Variants in THSD7B observed in about 807,000 individuals in gnomAD.
THSD7B encodes the protein thrombospondin type-1 domain-containing protein 7B.
THSD7B carries 138 observed loss-of-function variants against 213.6 expected under a neutral mutation model. The ratio of observed to expected loss-of-function variants is 0.65; its 90% CI spans 0.56 to 0.74. The LOEUF is 0.74. Among genes scored for constraint, THSD7B ranks in the 30% least tolerant of loss-of-function variants. THSD7B has a pLI of 0.00. For synonymous variants in THSD7B, 742 were observed against 687.0 expected (o/e 1.08, Z -1.25); for missense variants, 1,931 against 1,991.5 (o/e 0.97, Z 0.58).
At chr2:137,493,833 G>A (rs763216536) in intron 15 of THSD7B, among the ~76,000 whole-genome samples, 9 of 152,094 alleles carry the variant, frequency 5.9e-5, no homozygotes, top group Non-Finnish European at 8.8e-5. Context: ...GCCAATCCAA[G>A]GGGAAACGTA....
intron 4 of THSD7B, among the ~76,000 whole-genome samples, chr2:137,113,290 T>C (rs1688384486): frequency 6.6e-6 from 1 of 152,046 alleles, no homozygotes; most frequent in Admixed American, 6.6e-5. Context: ...AAGAATAGGG[T>C]AAGGACTGAC....
intron 4 of THSD7B, among the ~76,000 whole-genome samples, chr2:137,104,002 G>A (rs991096842): frequency 6.6e-6 from 1 of 152,084 alleles, no homozygotes; most frequent in Admixed American, 6.5e-5. Flanking sequence ...GGATATTTAG[G>A]ACTTGAACTC....
At chr2:137,648,942 C>T (rs1020091536) in intron 21 of THSD7B, among the ~76,000 whole-genome samples, 11 of 152,252 alleles carry the variant, frequency 7.2e-5, no homozygotes, top group African/African-American at 2.6e-4. Flanking sequence ...TATTACCTGT[C>T]TTTTTTATAA....
intron 1 of THSD7B, among the ~76,000 whole-genome samples, chr2:136,792,354 C>T (rs1352626428): frequency 6.6e-6 from 1 of 151,900 alleles, no homozygotes; most frequent in African/African-American, 2.4e-5. Context: ...GCCAGGAGTT[C>T]TGGGGGAGGG....
chr2:137,272,734 AT>A, intron 11 of THSD7B, 72 bp downstream of exon 11: 1 of 1,513,056 alleles, frequency 6.6e-7, no homozygotes, highest in Non-Finnish European at 8.9e-7. Context: ...CACATAACAT[AT>A]GGTCGTTTGG....
At chr2:137,330,511 G>A (rs1220052163) in intron 12 of THSD7B, among the ~76,000 whole-genome samples, 2 of 152,104 alleles carry the variant, frequency 1.3e-5, no homozygotes, top group Non-Finnish European at 2.9e-5. Context: ...TCTGATGTTC[G>A]GATATGCTAG....
chr2:137,450,509 C>T (rs899682817), intron 14 of THSD7B, among the ~76,000 whole-genome samples: 8 of 152,080 alleles, frequency 5.3e-5, no homozygotes, highest in East Asian at 1.9e-4. Flanking sequence ...GACAGTGAAT[C>T]GTAGGAGGGA....
At chr2:137,673,043 G>A (rs1014080333) in intron 27 of THSD7B, among the ~76,000 whole-genome samples, 2 of 152,194 alleles carry the variant, frequency 1.3e-5, no homozygotes, top group African/African-American at 4.8e-5. Context: ...CCAAGTTTGA[G>A]AGTGGTACTT....
At chr2:137,536,428 G>A (rs1680508652) in intron 15 of THSD7B, among the ~76,000 whole-genome samples, 1 of 151,520 alleles carries the variant, frequency 6.6e-6, no homozygotes, top group Non-Finnish European at 1.5e-5. Context: ...TGAAAATGGT[G>A]TTGGCCCAGG....
chr2:137,365,931 C>G (rs919983034), intron 12 of THSD7B, among the ~76,000 whole-genome samples: 1 of 152,160 alleles, frequency 6.6e-6, no homozygotes, highest in African/African-American at 2.4e-5. Flanking sequence ...ACTATAAAGA[C>G]ACATGGACAT....
chr2:137,098,765 C>T (rs1020080122), intron 4 of THSD7B, among the ~76,000 whole-genome samples: 1 of 152,080 alleles, frequency 6.6e-6, no homozygotes, highest in African/African-American at 2.4e-5. Context: ...CATTTTCACA[C>T]TAAACACTAT....
chr2:137,329,372 T>C (rs1347545600), intron 12 of THSD7B, among the ~76,000 whole-genome samples: 1 of 152,134 alleles, frequency 6.6e-6, no homozygotes, highest in Admixed American at 6.5e-5. Flanking sequence ...GAAATTTCTT[T>C]GTTTGTTTGT....
intron 3 of THSD7B, among the ~76,000 whole-genome samples, chr2:137,074,016 A>G (rs568006737): frequency 2.0e-3 from 299 of 152,142 alleles, no homozygotes; most frequent in African/African-American, 6.6e-3. Context: ...TATGTGGTCA[A>G]TTTTGGAGTA....
intron 2 of THSD7B, among the ~76,000 whole-genome samples, chr2:136,895,737 C>T (rs2105006527): frequency 6.6e-6 from 1 of 152,082 alleles, no homozygotes; most frequent in African/African-American, 2.4e-5. Flanking sequence ...TTAATCACCC[C>T]AATAAAATCC....
intron 14 of THSD7B, among the ~76,000 whole-genome samples, chr2:137,425,012 C>A (rs1687013296): frequency 6.6e-6 from 1 of 151,188 alleles, no homozygotes; most frequent in Non-Finnish European, 1.5e-5. Flanking sequence ...GCGGAGCTTA[C>A]AGTGAGCGGA....
chr2:137,076,553 C>G (rs1265985757), intron 3 of THSD7B, among the ~76,000 whole-genome samples: 1 of 152,240 alleles, frequency 6.6e-6, no homozygotes, highest in Non-Finnish European at 1.5e-5. Flanking sequence ...GAGGCGATGT[C>G]TCGCCCTGTT....
chr2:137,113,332 C>G (rs1292540383), intron 4 of THSD7B, among the ~76,000 whole-genome samples: 2 of 152,184 alleles, frequency 1.3e-5, no homozygotes, highest in Non-Finnish European at 2.9e-5. Context: ...AGAGCCCTGG[C>G]TCTGGAAAAG....
At chr2:136,806,334 G>C (rs1168549670) in intron 1 of THSD7B, among the ~76,000 whole-genome samples, 1 of 152,106 alleles carries the variant, frequency 6.6e-6, no homozygotes, top group Non-Finnish European at 1.5e-5. Context: ...ATGGCCCCAG[G>C]CCCTTTATAT....
chr2:136,915,771 C>T (rs556065472), intron 2 of THSD7B, among the ~76,000 whole-genome samples: 37 of 152,230 alleles, frequency 2.4e-4, no homozygotes, highest in Middle Eastern at 6.8e-3. Flanking sequence ...GAGCCTGAGT[C>T]CTAAATTAGT....
Sources: gnomAD v4.1 joint callset for allele counts (sites outside exome capture counted in the v4.1 genomes callset) on GRCh38, gnomAD v4.1.1 for gene constraint, MANE v1.5 for transcripts, NCBI Gene and HGNC (gene_info 2026-07-23, HGNC 2026-07-21) for gene names.